PPA1: variants seen among roughly 807,000 people sequenced by gnomAD.
The protein encoded by PPA1 is inorganic pyrophosphatase.
In PPA1, 23 loss-of-function variants were observed where a neutral mutation model predicts 41.8. The observed-to-expected ratio is 0.55, with a 90% CI of 0.40 to 0.78. The LOEUF is 0.78. PPA1 is among the 30% of genes least tolerant of loss of function. The pLI is 0.00. For synonymous variants in PPA1, 101 were observed against 116.8 expected, an observed-to-expected ratio of 0.86 and a Z score of 0.87; for missense variants, 320 against 361.6, an observed-to-expected ratio of 0.89 and a Z score of 0.93.
chr10:70,218,898 C>G, intron 2 of PPA1, 81 bp from the exon 3 acceptor site: 1 of 971,240 alleles, frequency 1.0e-6, no homozygotes, highest in Non-Finnish European at 1.6e-6. Flanking sequence ...CTTCCAAAGT[C>G]AAACTGTTCA....
intron 2 of PPA1, among the ~76,000 whole-genome samples, chr10:70,226,188 C>G (rs563853773): frequency 1.3e-5 from 2 of 152,340 alleles, no homozygotes; most frequent in South Asian, 4.1e-4. Context: ...ATTTTCTACT[C>G]ATTGCAGCTC....
chr10:70,215,137 G>C (rs1325962845), intron 4 of PPA1, among the ~76,000 whole-genome samples: 1 of 152,220 alleles, frequency 6.6e-6, no homozygotes, highest in Admixed American at 6.5e-5. Context: ...AGAGGTTGCA[G>C]TGAGCCTAGA....
At position 70,221,076 on chromosome 10, in the gene PPA1, A is replaced by ATATT. The variant is rs1224550178; in HGVS notation, c.124-2260_124-2259insAATA. On this transcript the variant is annotated intron_variant, in intron 2 of 10. Transcript: ENST00000373232. ...ATATAATTTATATATATATATATAT[A>ATATT]TTTTTTTTTTTTTTTTTTTGTAGAG... 2.7e-4 allele frequency among the ~76,000 whole-genome samples: 11 copies of ATATT among 40,026 alleles called. 2 individuals carry two copies. The East Asian group carries it at 2.9e-3, about 11-fold the overall frequency. The allele number at this position is 40,026 out of a possible 152,430, so 26.3% of individuals were successfully genotyped here.
chr10:70,230,197 C>T, intron 2 of PPA1, 144 bp downstream of exon 2: 1 of 967,888 alleles, frequency 1.0e-6, no homozygotes, highest in Non-Finnish European at 1.5e-6. Context: ...GCGTGAGCCA[C>T]CACGCCCAGC....
At chr10:70,207,985 T>TA (rs1839966775) in intron 8 of PPA1, among the ~76,000 whole-genome samples, 1 of 151,844 alleles carries the variant, frequency 6.6e-6, no homozygotes, top group Non-Finnish European at 1.5e-5. Context: ...GAGTCAGAGG[T>TA]TCGAGACCAG....
chr10:70,227,449 A>G (rs1358909466), intron 2 of PPA1, among the ~76,000 whole-genome samples: 1 of 152,180 alleles, frequency 6.6e-6, no homozygotes, highest in Non-Finnish European at 1.5e-5. Context: ...CAGGAGTTCG[A>G]GACCAGCCTG....
intron 10 of PPA1, chr10:70,203,924 T>C (rs1182050357): frequency 6.6e-6 from 1 of 152,414 alleles, no homozygotes; most frequent in Non-Finnish European, 1.5e-5. Context: ...TGGAAACCAC[T>C]GTGATACAGT....
chr10:70,216,347 C>A (rs943212612), intron 4 of PPA1, among the ~76,000 whole-genome samples: 3 of 151,908 alleles, frequency 2.0e-5, no homozygotes, highest in Admixed American at 6.6e-5. Context: ...ATTAGCTGGG[C>A]GTGGTGGTAG....
chr10:70,210,030 ATG>A, intron 6 of PPA1: 1 of 316,480 alleles, frequency 3.2e-6, no homozygotes, highest in South Asian at 2.8e-5. Flanking sequence ...AGTTTGGCAA[ATG>A]TAGATAATTC....
At chr10:70,216,199 CAATT>C (rs1277662301) in intron 4 of PPA1, among the ~76,000 whole-genome samples, 10 of 152,056 alleles carry the variant, frequency 6.6e-5, no homozygotes, top group African/African-American at 2.4e-4. Flanking sequence ...ATTAATAAAT[CAATT>C]GAGGCCGGGC....
At chr10:70,225,649 CTTT>C (rs5785966) in intron 2 of PPA1, among the ~76,000 whole-genome samples, 3 of 144,466 alleles carry the variant, frequency 2.1e-5, no homozygotes, top group Non-Finnish European at 3.0e-5. Flanking sequence ...CAAGCTTTAA[CTTT>C]TTTTTTTTTT....
At chr10:70,223,182 T>C (rs1475046186) in intron 2 of PPA1, among the ~76,000 whole-genome samples, 2 of 151,062 alleles carry the variant, frequency 1.3e-5, no homozygotes, top group African/African-American at 2.4e-5. Flanking sequence ...CTGACCAACA[T>C]AGCAAGACCC....
At chr10:70,214,692 T>C in intron 4 of PPA1, 106 bp from the exon 5 acceptor site, 2 of 850,484 alleles carry the variant, frequency 2.4e-6, no homozygotes, top group African/African-American at 1.7e-5. Context: ...TTTTTTCTCA[T>C]TGTTTTAGTT....
At position 70,233,333 on chromosome 10, in the gene PPA1, C is replaced by T. The variant is rs1309578540; in HGVS notation, c.-6G>A. 4 of 1,536,936 alleles carry T rather than the reference C, an allele frequency of 2.6e-6. No individual in the cohort carries two copies. The highest frequency in any genetic ancestry group is 2.5e-5 in the East Asian group (1 of 39,816). On this transcript the variant is annotated 5_prime_UTR_variant, in exon 1 of 11. Transcript: ENST00000373232. ...TCGGTGCTGAAGCCGCTCATAGTGC[C>T]GGAGTCCTGCCGCCGCCGCTGCCAC...
At position 70,206,254 on chromosome 10, in the gene PPA1, T is replaced by G. The variant is rs1206683361; in HGVS notation, c.795+10A>C. 10 of 1,604,228 alleles carry G rather than the reference T, an allele frequency of 6.2e-6. No homozygotes were observed. Among genetic ancestry groups the G allele is most frequent in the Non-Finnish European group, 8.5e-6 (10 of 1,172,414 alleles). On this transcript the variant is annotated intron_variant, in intron 9 of 10. Coordinates refer to ENST00000373232, the MANE Select transcript of PPA1 (RefSeq NM_021129.4). ...AGGCTTGTTTTTTTTTTAAGGAAAC[T>G]TTTACATACAGCATCCACAATGGCT...
Position 70,203,054 on chromosome 10 carries a change from G to A in PPA1, c.*101C>T, listed in dbSNP as rs907356531. ...AGCAGAATTTACTTTAGTTAGATGA[G>A]TTCTACAAATTTAAAGCTTTGAAAA... On this transcript the variant is annotated 3_prime_UTR_variant, in exon 11 of 11. Coordinates refer to ENST00000373232, the MANE Select transcript of PPA1 (RefSeq NM_021129.4). 5.8e-6 allele frequency: 7 copies of A among 1,207,332 alleles called. No individual in the cohort carries two copies. The East Asian group carries it at 1.6e-4, about 28-fold the overall frequency. The allele number at this position is 1,207,332 out of a possible 1,614,324, so 74.8% of individuals were successfully genotyped here. A position where few individuals can be genotyped will look rare whatever the true frequency, so the allele number is the denominator to read the frequency against.
chr10:70,229,958 G>C (rs1455683363), intron 2 of PPA1, among the ~76,000 whole-genome samples: 1 of 151,980 alleles, frequency 6.6e-6, no homozygotes, highest in Admixed American at 6.6e-5. Flanking sequence ...CACCCAGCTG[G>C]AGTACAGTAG....
chr10:70,207,306 A>T (rs1186018512), intron 8 of PPA1, among the ~76,000 whole-genome samples: 1 of 152,206 alleles, frequency 6.6e-6, no homozygotes, highest in Non-Finnish European at 1.5e-5. Context: ...CTTTGCAGGG[A>T]TTTAAAAATA....
chr10:70,228,356 A>T (rs1840255116), intron 2 of PPA1, among the ~76,000 whole-genome samples: 1 of 152,194 alleles, frequency 6.6e-6, no homozygotes. Context: ...CCTTGGTAGG[A>T]ATACAGTCAC....
Sources: gnomAD v4.1 joint callset for allele counts (sites outside exome capture counted in the v4.1 genomes callset) on GRCh38, gnomAD v4.1.1 for gene constraint, MANE v1.5 for transcripts, NCBI Gene and HGNC (gene_info 2026-07-23, HGNC 2026-07-21) for gene names.